Variants in KANK1 observed in about 807,000 individuals in gnomAD.
KANK1 encodes KN motif and ankyrin repeat domain-containing protein 1.
Under a neutral mutation model 106.2 loss-of-function variants are expected in KANK1, and 109 were observed. The ratio of observed to expected loss-of-function variants is 1.03; its 90% CI spans 0.88 to 1.20. The LOEUF is 1.20. KANK1 is among the 50% of genes most tolerant of loss of function. The pLI is 0.00. For synonymous variants in KANK1, 873 were observed against 652.2 expected (o/e 1.34, Z -5.16); for missense variants, 2,399 against 1,710.7 (o/e 1.40, Z -7.10).
intron 1 of KANK1, among the ~76,000 whole-genome samples, chr9:585,807 G>A (rs959136043): frequency 6.6e-6 from 1 of 152,152 alleles, no homozygotes; most frequent in African/African-American, 2.4e-5. Context: ...GTAAGTGTTT[G>A]TTCTTGGGAA....
At chr9:589,535 C>T (rs1235066219) in intron 1 of KANK1, among the ~76,000 whole-genome samples, 1 of 151,808 alleles carries the variant, frequency 6.6e-6, no homozygotes, top group Non-Finnish European at 1.5e-5. Context: ...GGGAAGGAGT[C>T]ATAAAGAAAG....
At position 684,074 on chromosome 9, in the gene KANK1, G is replaced by A. The variant is rs531590335; in HGVS notation, c.37+7065G>A. The A allele has an allele frequency of 5.8e-5, 40 of 692,498 alleles. No homozygotes were observed. In the African/African-American group the frequency reaches 6.0e-4, roughly 10 times the overall value. 42.9% of individuals were successfully genotyped at this position (692,498 alleles called of 1,614,324 possible). A position where few individuals can be genotyped will look rare whatever the true frequency, so the allele number is the denominator to read the frequency against. ...GAACCTCAGAATTCACCCAGCCCCCGGAGAGGTTTTGAAAAGCCCCTGGCT... is the reference window on the plus strand; with the variant it reads ...GAACCTCAGAATTCACCCAGCCCCCAGAGAGGTTTTGAAAAGCCCCTGGCT... On this transcript the variant is annotated intron_variant, in intron 2 of 11. Coordinates refer to ENST00000382297, the MANE Select transcript of KANK1 (RefSeq NM_015158.5).
At chr9:562,476 G>C (rs1305475851) in intron 1 of KANK1, among the ~76,000 whole-genome samples, 1 of 152,222 alleles carries the variant, frequency 6.6e-6, no homozygotes. Flanking sequence ...GATTTTGCAC[G>C]TGTTTTATCC....
chr9:594,183 G>A (rs1234574609), intron 1 of KANK1, among the ~76,000 whole-genome samples: 1 of 151,848 alleles, frequency 6.6e-6, no homozygotes, highest in Admixed American at 6.5e-5. Context: ...TGCTTAAGGG[G>A]ACAATTTATG....
intron 2 of KANK1, among the ~76,000 whole-genome samples, chr9:706,359 A>G (rs1824157272): frequency 6.6e-6 from 1 of 152,258 alleles, no homozygotes; most frequent in African/African-American, 2.4e-5. Flanking sequence ...AAATAACTAA[A>G]GATGGACCAG....
At chr9:740,746 A>T (rs1251272909) in intron 8 of KANK1, 46 bp from the exon 9 acceptor site, 2 of 1,586,628 alleles carry the variant, frequency 1.3e-6, no homozygotes, top group South Asian at 2.3e-5. Flanking sequence ...GGCTGCTATT[A>T]GAAGGGGCTG....
chr9:681,539 A>C (rs1817553993), intron 2 of KANK1, among the ~76,000 whole-genome samples: 1 of 152,196 alleles, frequency 6.6e-6, no homozygotes, highest in Non-Finnish European at 1.5e-5. Context: ...CTTATTTGTG[A>C]AAGAAAGATA....
At chr9:591,517 A>G (rs1191487583) in intron 1 of KANK1, among the ~76,000 whole-genome samples, 2 of 151,574 alleles carry the variant, frequency 1.3e-5, no homozygotes, top group African/African-American at 4.9e-5. Flanking sequence ...CTTGAACACT[A>G]TGTTCCAGCC....
At chr9:730,388 C>T in intron 4 of KANK1, 140 bp downstream of exon 4, 1 of 930,710 alleles carries the variant, frequency 1.1e-6, no homozygotes, top group Non-Finnish European at 1.6e-6. Flanking sequence ...CCCAGAATAT[C>T]TTTAAATAAG....
intron 3 of KANK1, among the ~76,000 whole-genome samples, chr9:722,067 G>A (rs914029504): frequency 5.9e-5 from 9 of 152,186 alleles, no homozygotes; most frequent in East Asian, 3.9e-4. Context: ...AGCTGACTCC[G>A]TCTTACTTCT....
chr9:605,104 C>G (rs1281155288), intron 1 of KANK1, among the ~76,000 whole-genome samples: 2 of 151,362 alleles, frequency 1.3e-5, no homozygotes, highest in Non-Finnish European at 2.9e-5. Context: ...GAGTTTGAGA[C>G]CAGCCTGACC....
chr9:678,817 G>T (rs1245780215), intron 2 of KANK1, among the ~76,000 whole-genome samples: 1 of 152,142 alleles, frequency 6.6e-6, no homozygotes, highest in African/African-American at 2.4e-5. Flanking sequence ...TTCAAGTGTA[G>T]TGGGTGGGTT....
At chr9:599,726 G>C (rs930476333) in intron 1 of KANK1, among the ~76,000 whole-genome samples, 1 of 151,782 alleles carries the variant, frequency 6.6e-6, no homozygotes, top group Non-Finnish European at 1.5e-5. Flanking sequence ...AGTACTTGAG[G>C]GATGCAAAAC....
intron 3 of KANK1, among the ~76,000 whole-genome samples, chr9:499,168 ACT>A (rs1481180426): frequency 6.7e-6 from 1 of 150,144 alleles, no homozygotes; most frequent in Non-Finnish European, 1.5e-5. Context: ...ACAGAGCAAG[ACT>A]CTGTCTCAAA....
At chr9:542,277 A>G (rs980102668) in intron 1 of KANK1, among the ~76,000 whole-genome samples, 1 of 152,382 alleles carries the variant, frequency 6.6e-6, no homozygotes, top group South Asian at 2.1e-4. Flanking sequence ...AGGCAGGCAG[A>G]TCACTTGAGG....
intron 1 of KANK1, among the ~76,000 whole-genome samples, chr9:531,793 C>G (rs1486917803): frequency 1.3e-5 from 2 of 152,168 alleles, no homozygotes; most frequent in East Asian, 3.8e-4. Context: ...GGCGTCTGTC[C>G]TCACTGTTAC....
chr9:707,411 G>A (rs1824658710), intron 2 of KANK1, among the ~76,000 whole-genome samples: 1 of 152,286 alleles, frequency 6.6e-6, no homozygotes, highest in Non-Finnish European at 1.5e-5. Context: ...CACACATCCC[G>A]GGAGGCCCGG....
intron 1 of KANK1, among the ~76,000 whole-genome samples, chr9:569,124 C>T (rs937641851): frequency 6.6e-6 from 1 of 152,084 alleles, no homozygotes; most frequent in African/African-American, 2.4e-5. Context: ...CTACTGTATC[C>T]AGCTGCCTGA....
chr9:598,214 G>A (rs544710265), intron 1 of KANK1, among the ~76,000 whole-genome samples: 2 of 151,444 alleles, frequency 1.3e-5, no homozygotes, highest in Admixed American at 6.6e-5. Flanking sequence ...TTTTCTATTG[G>A]TCCATATATT....
Sources: allele counts gnomAD v4.1 joint callset (sites outside exome capture counted in the v4.1 genomes callset), GRCh38; gene constraint gnomAD v4.1.1; transcripts MANE v1.5; gene names NCBI Gene and HGNC (gene_info 2026-07-23, HGNC 2026-07-21).